Variants in CDK12 observed in about 807,000 individuals in gnomAD.
CDK12 encodes cyclin-dependent kinase 12.
A neutral mutation model predicts 133.8 loss-of-function variants in CDK12; 17 were observed. The ratio of observed to expected loss-of-function variants is 0.13; its 90% confidence interval spans 0.09 to 0.19. The LOEUF (loss-of-function observed/expected upper bound fraction) is 0.19. Among genes scored for constraint, CDK12 ranks in the 10% least tolerant of loss-of-function variants. CDK12 has a pLI of 1.00. For missense variants in CDK12, 1,508 were observed against 1,818.7 expected (o/e 0.83, Z 3.11); for synonymous variants, 694 against 683.6 (o/e 1.02, Z -0.24).
chr17:39,503,736 C>T (rs1324033330), intron 6 of CDK12, among the ~76,000 whole-genome samples: 2 of 152,170 alleles, frequency 1.3e-5, no homozygotes, highest in Admixed American at 1.3e-4. Context: ...CCAGCCTCTT[C>T]CCTTACCCAT....
chr17:39,489,713 C>T (rs1365924555), intron 2 of CDK12, among the ~76,000 whole-genome samples: 4 of 143,504 alleles, frequency 2.8e-5, no homozygotes, highest in African/African-American at 1.0e-4. Flanking sequence ...AGGCTGGTCT[C>T]GAACTTTTGA....
At chr17:39,495,383 T>G in intron 5 of CDK12, among the ~76,000 whole-genome samples, 1 of 27,642 alleles carries the variant, frequency 3.6e-5, no homozygotes, top group South Asian at 3.3e-3. Flanking sequence ...TGGCCTCATG[T>G]GTTTTTTTTT....
At chr17:39,494,286 T>C (rs1225317753) in intron 4 of CDK12, among the ~76,000 whole-genome samples, 2 of 152,124 alleles carry the variant, frequency 1.3e-5, no homozygotes, top group Non-Finnish European at 2.9e-5. Flanking sequence ...TTGGCTAGGC[T>C]GGTCTCGAAT....
In CDK12 at chr17:39,530,626, A is replaced by T; in HGVS notation, c.3783A>T (p.Pro1261=). The T allele has an allele frequency of 6.2e-7, 1 of 1,601,186 alleles. No individual in the cohort carries two copies. The change falls in exon 14 of 14, where the codon CCA becomes CCT. Residue 1261 remains proline (P), a synonymous_variant. Transcript: ENST00000447079. ...CAGCATGTCCTCCTCACATTCTTCCACCAGAGAAGAGGCCCCCTGAGCCCC... is the reference window on the plus strand; with the variant it reads ...CAGCATGTCCTCCTCACATTCTTCCTCCAGAGAAGAGGCCCCCTGAGCCCC... ...EAAACPPHIL[P]PEKRPPEPPG...
intron 6 of CDK12, among the ~76,000 whole-genome samples, chr17:39,503,543 TGAG>T (rs140337850): frequency 0.042 from 6,465 of 152,316 alleles, 168 homozygotes; most frequent in Non-Finnish European, 0.065. Flanking sequence ...TACTCCTCCA[TGAG>T]GAGATGTCTC....
At chr17:39,477,973 T>A (rs2050349965) in intron 2 of CDK12, among the ~76,000 whole-genome samples, 1 of 151,914 alleles carries the variant, frequency 6.6e-6, no homozygotes, top group South Asian at 2.1e-4. Context: ...CCCAAAGTGC[T>A]GGGATTACAG....
At chr17:39,553,816 A>G (rs1442687341) in intron 2 of CDK12, among the ~76,000 whole-genome samples, 1 of 152,126 alleles carries the variant, frequency 6.6e-6, no homozygotes, top group East Asian at 1.9e-4. Context: ...GGTGGCTCAC[A>G]AAAACAACAG....
intron 3 of CDK12, among the ~76,000 whole-genome samples, chr17:39,491,795 TATC>T (rs2051627205): frequency 6.6e-6 from 1 of 150,492 alleles, no homozygotes; most frequent in Non-Finnish European, 1.5e-5. Flanking sequence ...ATATATTTCA[TATC>T]ATTTCATTTC....
chr17:39,519,504 C>T (rs972601247), intron 10 of CDK12, among the ~76,000 whole-genome samples: 1 of 151,558 alleles, frequency 6.6e-6, no homozygotes, highest in Non-Finnish European at 1.5e-5. Flanking sequence ...TGGTCCTGAA[C>T]TCCTGGCCTC....
downstream of CDK12, among the ~76,000 whole-genome samples, chr17:39,537,078 G>A (rs2055165170): frequency 6.6e-6 from 1 of 152,174 alleles, no homozygotes; most frequent in South Asian, 2.1e-4. Context: ...AAACCTTTAA[G>A]AAGTCCACCA....
At chr17:39,514,266 G>T (rs1474951929) in intron 8 of CDK12, among the ~76,000 whole-genome samples, 1 of 152,134 alleles carries the variant, frequency 6.6e-6, no homozygotes, top group African/African-American at 2.4e-5. Flanking sequence ...ATTTGTCTTT[G>T]AAGTTGTTTT....
At position 39,533,140 on chromosome 17, in the gene CDK12, TC is replaced by T. The variant is rs2143263089; in HGVS notation, c.*1828del. The T allele has an allele frequency of 4.3e-6, 1 of 232,998 alleles. No individual in the cohort carries two copies. Among genetic ancestry groups the T allele is most frequent in the Non-Finnish European group, 8.5e-6 (1 of 117,818 alleles). 14.4% of individuals were successfully genotyped at this position (232,998 alleles called of 1,614,324 possible). ...TCAGATACTTACTTGAAGACTGTTT[TC>T]CCCTGTTAATGAGATATAGCTAGAT... On this transcript the variant is annotated 3_prime_UTR_variant, in exon 14 of 14. Transcript: ENST00000447079.
chr17:39,506,651 G>T (rs1381323779), intron 6 of CDK12, among the ~76,000 whole-genome samples: 1 of 152,168 alleles, frequency 6.6e-6, no homozygotes, highest in African/African-American at 2.4e-5. Flanking sequence ...GAAGACAATA[G>T]TTTGGTTAAT....
chr17:39,501,345 T>C lies in CDK12; in HGVS notation c.2515T>C (p.Phe839Leu). 2 of 1,613,852 alleles carry C rather than the reference T, an allele frequency of 1.2e-6. No individual in the cohort carries two copies. The highest frequency in any genetic ancestry group is 2.2e-5 in the South Asian group (2 of 91,062). The change falls in exon 6 of 14, where the codon TTC becomes CTC. Residue 839 changes from phenylalanine (F) to leucine (L), a missense_variant. Phe to Leu is a conservative substitution (Grantham distance 22). This residue lies in a region of CDK12 where 21 missense variants were observed against 17.6 expected (regional missense o/e 1.19). Coordinates refer to ENST00000447079, the MANE Select transcript of CDK12 (RefSeq NM_016507.4). ...VHFSEDHIKS[F>L]MKQLMEGLEY... ...CTTTTCTGAGGACCATATCAAGTCGTTCATGAAACAGCTAATGGAAGGATT... is the reference window on the plus strand; with the variant it reads ...CTTTTCTGAGGACCATATCAAGTCGCTCATGAAACAGCTAATGGAAGGATT...
At chr17:39,534,572 T>G (rs1297831704), downstream of CDK12, 1 of 229,682 alleles carries the variant, frequency 4.4e-6, no homozygotes, top group Non-Finnish European at 8.6e-6. Context: ...CATTTACTTC[T>G]TAATCTGTAC....
At chr17:39,486,308 C>G (rs1334116805) in intron 2 of CDK12, among the ~76,000 whole-genome samples, 14 of 134,566 alleles carry the variant, frequency 1.0e-4, no homozygotes, top group Non-Finnish European at 1.5e-4. Flanking sequence ...GTCACTTAGA[C>G]TGGAGTGCAG....
chr17:39,502,343 C>T (rs772833966), intron 6 of CDK12, among the ~76,000 whole-genome samples: 6 of 150,602 alleles, frequency 4.0e-5, no homozygotes, highest in Non-Finnish European at 7.4e-5. Flanking sequence ...TTAGTAGAGA[C>T]GTGGTTTCAC....
At chr17:39,464,467 C>G (rs2049155929) in intron 1 of CDK12, among the ~76,000 whole-genome samples, 1 of 149,882 alleles carries the variant, frequency 6.7e-6, no homozygotes, top group Non-Finnish European at 1.5e-5. Flanking sequence ...AACTCCTGAG[C>G]TCAAGCAATC....
intron 7 of CDK12, among the ~76,000 whole-genome samples, chr17:39,510,450 A>G (rs1306212248): frequency 6.6e-6 from 1 of 151,806 alleles, no homozygotes; most frequent in African/African-American, 2.4e-5. Context: ...TAGATGTTCT[A>G]GTATTCTGCA....
Sources: gnomAD v4.1 joint callset for allele counts (sites outside exome capture counted in the v4.1 genomes callset) on GRCh38, gnomAD v4.1.1 for gene constraint, gnomAD v4.1.1 regional missense constraint, MANE v1.5 for transcripts, NCBI Gene and HGNC (gene_info 2026-07-23, HGNC 2026-07-21) for gene names.